Variants in MEI1 observed in about 807,000 individuals in gnomAD.
MEI1 encodes the protein meiosis inhibitor protein 1.
A neutral mutation model predicts 146.2 loss-of-function variants in MEI1; 103 were observed. The ratio of observed to expected loss-of-function variants is 0.70; its 90% CI spans 0.60 to 0.83. The LOEUF (loss-of-function observed/expected upper bound fraction) is 0.83. Among genes scored for constraint, MEI1 ranks in the 40% least tolerant of loss-of-function variants. MEI1 has a pLI of 0.00. For synonymous variants in MEI1, 652 were observed against 628.2 expected, an observed-to-expected ratio of 1.04 and a Z score of -0.57; for missense variants, 1,529 against 1,533.0, an observed-to-expected ratio of 1.00 and a Z score of 0.04.
Position 41,758,409 on chromosome 22 carries a change from A to G in MEI1, c.1996A>G (p.Ile666Val), listed in dbSNP as rs1299146216. Reference protein sequence around the residue: ...SELLQHGLPQISSRSPESLAF... With the variant: ...SELLQHGLPQVSSRSPESLAF... The stretch of plus-strand genomic sequence containing the variant: ...GCTCCTGCAGCATGGGCTGCCCCAG[A>G]TAAGCAGCAGGAGCCCTGAAAGCCT... Residue 666 changes from isoleucine (I) to valine (V), a missense_variant, in exon 18 of 31, where the codon ATA (isoleucine) becomes GTA (valine). Around this residue, in one of 3 missense-constraint regions of MEI1, gnomAD observed 1,212 missense variants for 1,178.9 expected, o/e 1.03. Transcript: ENST00000401548. 4 of 1,613,814 alleles carry G rather than the reference A, an allele frequency of 2.5e-6. No homozygotes were observed. Among genetic ancestry groups the G allele is most frequent in the Non-Finnish European group, 3.4e-6 (4 of 1,179,882 alleles).
chr22:41,743,289 C>A, intron 12 of MEI1, 95 bp downstream of exon 12: 2 of 852,670 alleles, frequency 2.3e-6, no homozygotes. Flanking sequence ...TATGCTATTT[C>A]ATGACTTTTT....
rs535186435 is a variant in MEI1 at position 41,719,246 on chromosome 22, G to T, written c.733+972G>T. ...ATCCACCCGCCTTGGCTCCCAAAGT[G>T]CTGGGATTACAGGCGTGAGCCACCG... On this transcript the variant is annotated intron_variant, in intron 6 of 30. Coordinates refer to ENST00000401548, the MANE Select transcript of MEI1 (RefSeq NM_152513.4). Among the ~76,000 whole-genome samples, 1,008 of 152,278 alleles carry T rather than the reference G, an allele frequency of 6.6e-3. 5 individuals are homozygous for T. The highest frequency in any genetic ancestry group is 0.01 in the Admixed American group (160 of 15,286).
intron 18 of MEI1, among the ~76,000 whole-genome samples, chr22:41,761,469 C>T (rs2074488165): frequency 6.6e-6 from 1 of 151,884 alleles, no homozygotes; most frequent in Non-Finnish European, 1.5e-5. Flanking sequence ...TGCCCGCTAC[C>T]ACGCCCGGCT....
In MEI1 at chr22:41,732,013, A is replaced by C. The variant is rs1337373567; in HGVS notation, c.1097-232A>C. Among the ~76,000 whole-genome samples the C allele has an allele frequency of 2.0e-5, 3 of 152,170 alleles. No individual in the cohort carries two copies. The East Asian group carries it at 5.8e-4, about 29-fold the overall frequency. On this transcript the variant is annotated intron_variant, in intron 9 of 30. Coordinates refer to ENST00000401548, the MANE Select transcript of MEI1 (RefSeq NM_152513.4). ...CAGTAGGTGTTCACTGAAAACCTCAAGTGCCAGGGACTGTGCTATGGCTTG... is the reference window on the plus strand; with the variant it reads ...CAGTAGGTGTTCACTGAAAACCTCACGTGCCAGGGACTGTGCTATGGCTTG...
intron 18 of MEI1, 56 bp from the exon 19 acceptor site, chr22:41,763,118 G>T: frequency 3.1e-6 from 5 of 1,590,476 alleles, no homozygotes; most frequent in Non-Finnish European, 4.3e-6. Context: ...CAGAATAGAA[G>T]AGCCCAGTGG....
At chr22:41,765,442 C>T (rs2074784958) in intron 19 of MEI1, among the ~76,000 whole-genome samples, 1 of 152,112 alleles carries the variant, frequency 6.6e-6, no homozygotes, top group African/African-American at 2.4e-5. Flanking sequence ...GTTCATGCCA[C>T]CGCACTCCAG....
At chr22:41,793,406 A>T (rs1214919345) in intron 26 of MEI1, among the ~76,000 whole-genome samples, 1 of 152,062 alleles carries the variant, frequency 6.6e-6, no homozygotes, top group Non-Finnish European at 1.5e-5. Flanking sequence ...GGTTCAATCG[A>T]TTCTCCTGCC....
At chr22:41,754,782 G>T (rs2073987493) in intron 17 of MEI1, among the ~76,000 whole-genome samples, 1 of 152,302 alleles carries the variant, frequency 6.6e-6, no homozygotes, top group South Asian at 2.1e-4. Flanking sequence ...CCAGGTGCTG[G>T]TGAAAGAGCC....
At chr22:41,744,113 C>T (rs987731028) in intron 12 of MEI1, among the ~76,000 whole-genome samples, 1 of 151,866 alleles carries the variant, frequency 6.6e-6, no homozygotes, top group Non-Finnish European at 1.5e-5. Flanking sequence ...CTGACCTCCA[C>T]CTCGGCCTCC....
chr22:41,757,766 C>G (rs2074193601), intron 17 of MEI1, among the ~76,000 whole-genome samples: 1 of 152,180 alleles, frequency 6.6e-6, no homozygotes, highest in Non-Finnish European at 1.5e-5. Flanking sequence ...TTCCCATCAG[C>G]TGCCAGTTCC....
intron 17 of MEI1, among the ~76,000 whole-genome samples, chr22:41,756,393 T>A (rs963524443): frequency 6.6e-6 from 1 of 152,012 alleles, no homozygotes; most frequent in Admixed American, 6.6e-5. Flanking sequence ...TGCCTTGGAC[T>A]CCAAAGTGCT....
Position 41,752,620 on chromosome 22 carries a change from G to A in MEI1, c.1822G>A (p.Glu608Lys). The change falls in exon 16 of 31, where the codon GAG becomes AAG. Residue 608 changes from glutamate to lysine, a missense_variant. By Grantham distance (56) the Glu-to-Lys change is moderately conservative. This residue lies in a region of MEI1 where 1,212 missense variants were observed against 1,178.9 expected (regional missense o/e 1.03). Coordinates refer to ENST00000401548, the MANE Select transcript of MEI1 (RefSeq NM_152513.4). ...CTCATCCTTCATACGACTGACCCTG[G>A]AGCTGAAGGCCAGGTTTTGCAGTGG... ...ASSSFIRLTL[E>K]LKARFCSGLS... The A allele has an allele frequency of 1.2e-6, 2 of 1,600,148 alleles. No individual in the cohort carries two copies. The highest frequency in any genetic ancestry group is 1.7e-6 in the Non-Finnish European group (2 of 1,173,580).
At chr22:41,727,910 G>A (rs1044100941) in intron 7 of MEI1, among the ~76,000 whole-genome samples, 11 of 152,080 alleles carry the variant, frequency 7.2e-5, no homozygotes, top group African/African-American at 2.4e-4. Flanking sequence ...GGCCGTTCAC[G>A]TAGGTATCCT....
In MEI1 at chr22:41,798,154, CACACACACACACACACAT is replaced by C. The variant is rs1443456314; in HGVS notation, c.3780-1098_3780-1081del. Among the ~76,000 whole-genome samples the C allele has an allele frequency of 7.3e-4, 85 of 116,482 alleles. 1 individual carries two copies. Among genetic ancestry groups the C allele is most frequent in the East Asian group, 3.3e-3 (16 of 4,806 alleles). 76.4% of individuals were successfully genotyped at this position (116,482 alleles called of 152,430 possible). A position where few individuals can be genotyped will look rare whatever the true frequency, so the allele number is the denominator to read the frequency against. On this transcript the variant is annotated intron_variant, in intron 30 of 30. Coordinates refer to ENST00000401548, the MANE Select transcript of MEI1 (RefSeq NM_152513.4). ...ACACACACACACACACACACACACACACACACACACACACACATAGTGTGTGTCTCTGTGACTGCCATG... is the reference window on the plus strand; with the variant it reads ...ACACACACACACACACACACACACACAGTGTGTGTCTCTGTGACTGCCATG...
chr22:41,748,032 G>GT lies in MEI1; in HGVS notation c.1681-74dup. On this transcript the variant is annotated intron_variant, in intron 14 of 30. Coordinates refer to ENST00000401548, the MANE Select transcript of MEI1 (RefSeq NM_152513.4). ...AGTGAAAGGAGTTGCTAGATTTGAT[G>GT]TGAGTTTTCTCTGATGCCTTTTCTT... 9.2e-6 allele frequency: 9 copies of GT among 978,188 alleles called. No homozygotes were observed. In the Admixed American group the frequency reaches 1.4e-4, roughly 15 times the overall value. The allele number at this position is 978,188 out of a possible 1,614,324, so 60.6% of individuals were successfully genotyped here. A position where few individuals can be genotyped will look rare whatever the true frequency, so the allele number is the denominator to read the frequency against.
At chr22:41,729,608 T>A in intron 7 of MEI1, 57 bp from the exon 8 acceptor site, 1 of 1,172,912 alleles carries the variant, frequency 8.5e-7, no homozygotes, top group Non-Finnish European at 1.2e-6. Context: ...CCTAGGCCAG[T>A]TTTTCTGGTC....
At chr22:41,733,181 G>A (rs2147604045) in intron 11 of MEI1, among the ~76,000 whole-genome samples, 1 of 152,060 alleles carries the variant, frequency 6.6e-6, no homozygotes, top group South Asian at 2.1e-4. Flanking sequence ...TGGACATGGT[G>A]GCTCACACCT....
At chr22:41,760,405 A>G (rs2147944127) in intron 18 of MEI1, among the ~76,000 whole-genome samples, 1 of 152,256 alleles carries the variant, frequency 6.6e-6, no homozygotes, top group Admixed American at 6.5e-5. Context: ...GCTACTGGGG[A>G]GGCTTAGACA....
chr22:41,710,206 G>T (rs1024363320), intron 3 of MEI1, among the ~76,000 whole-genome samples: 1 of 152,062 alleles, frequency 6.6e-6, no homozygotes, highest in Non-Finnish European at 1.5e-5. Flanking sequence ...AAGTGAGAAG[G>T]TAGCCGTCTG....
Sources: allele counts gnomAD v4.1 joint callset (sites outside exome capture counted in the v4.1 genomes callset), GRCh38; gene constraint gnomAD v4.1.1; regional missense constraint gnomAD v4.1.1; transcripts MANE v1.5; gene names NCBI Gene and HGNC (gene_info 2026-07-23, HGNC 2026-07-21).